FMN1: variants seen among roughly 807,000 people sequenced by gnomAD.
The protein encoded by FMN1 is formin-1.
In FMN1, 110 loss-of-function variants were observed where a neutral mutation model predicts 132.4. That is an observed-to-expected ratio of 0.83 (90% CI 0.71 to 0.97). The LOEUF is 0.97. FMN1 is among the 50% of genes least tolerant of loss of function. The probability of loss-of-function intolerance (pLI) is 0.00; values close to 1 mark genes in which losing one functional copy is unlikely to be tolerated. For synonymous variants in FMN1, 722 were observed against 651.7 expected, an observed-to-expected ratio of 1.11 and a Z score of -1.64; for missense variants, 1,792 against 1,705.3, an observed-to-expected ratio of 1.05 and a Z score of -0.90.
At chr15:33,065,385 TACAGACATAAATGTACTA>T in intron 5 of FMN1, among the ~76,000 whole-genome samples, 1 of 152,282 alleles carries the variant, frequency 6.6e-6, no homozygotes, top group South Asian at 2.1e-4. Context: ...GACCTGAAGG[TACAGACATAAATGTACTA>T]CACTGATGTG....
intron 4 of FMN1, among the ~76,000 whole-genome samples, chr15:33,103,138 A>T (rs972214584): frequency 1.3e-5 from 2 of 152,134 alleles, no homozygotes; most frequent in Non-Finnish European, 2.9e-5. Context: ...CATTACATGA[A>T]CAGTTTTATG....
At chr15:33,082,880 T>TA (rs551158839) in intron 5 of FMN1, among the ~76,000 whole-genome samples, 2 of 151,904 alleles carry the variant, frequency 1.3e-5, no homozygotes, top group Non-Finnish European at 2.9e-5. Flanking sequence ...AATTTTAGAT[T>TA]AAAAAAAACC....
intron 7 of FMN1, among the ~76,000 whole-genome samples, chr15:32,971,988 C>T (rs547029194): frequency 3.3e-5 from 5 of 152,238 alleles, no homozygotes; most frequent in African/African-American, 9.6e-5. Flanking sequence ...GTGTAGTGGG[C>T]AGAACACAAA....
At chr15:32,827,168 A>G (rs957226514) in intron 17 of FMN1, among the ~76,000 whole-genome samples, 1 of 152,200 alleles carries the variant, frequency 6.6e-6, no homozygotes, top group Non-Finnish European at 1.5e-5. Flanking sequence ...AGAAAGATGG[A>G]AAATTATGGT....
chr15:32,795,483 T>C (rs754531980), intron 19 of FMN1, among the ~76,000 whole-genome samples: 1 of 151,990 alleles, frequency 6.6e-6, no homozygotes, highest in African/African-American at 2.4e-5. Context: ...GAGCTCATAG[T>C]CACCATTTAA....
At chr15:32,938,209 C>T (rs2061323991) in intron 9 of FMN1, among the ~76,000 whole-genome samples, 1 of 151,808 alleles carries the variant, frequency 6.6e-6, no homozygotes, top group Admixed American at 6.6e-5. Flanking sequence ...TTAAGTATTC[C>T]CCTACTAAAG....
chr15:32,825,525 T>C (rs900369482), intron 17 of FMN1, among the ~76,000 whole-genome samples: 1 of 152,220 alleles, frequency 6.6e-6, no homozygotes, highest in Non-Finnish European at 1.5e-5. Context: ...CCTACTCTTT[T>C]AAAGTAGGTT....
At chr15:33,042,697 A>C (rs990358272) in intron 6 of FMN1, among the ~76,000 whole-genome samples, 1 of 152,184 alleles carries the variant, frequency 6.6e-6, no homozygotes, top group African/African-American at 2.4e-5. Flanking sequence ...GGAAAAACAA[A>C]ACTGATAATA....
chr15:33,009,337 T>A (rs57468008), intron 6 of FMN1, among the ~76,000 whole-genome samples: 2,446 of 152,268 alleles, frequency 0.016, 64 homozygotes, highest in African/African-American at 0.053. Context: ...GCAGACTGAG[T>A]GATCTACATA....
chr15:32,944,936 A>G (rs1368746963), intron 9 of FMN1, among the ~76,000 whole-genome samples: 1 of 152,168 alleles, frequency 6.6e-6, no homozygotes, highest in Admixed American at 6.5e-5. Flanking sequence ...CACTGCCTTC[A>G]GACAGAACCA....
intron 17 of FMN1, among the ~76,000 whole-genome samples, chr15:32,855,181 A>G (rs1311749978): frequency 6.7e-6 from 1 of 149,184 alleles, no homozygotes; most frequent in East Asian, 1.9e-4. Context: ...AAAAAAAAAA[A>G]AGAAAAAAGA....
intron 19 of FMN1, among the ~76,000 whole-genome samples, chr15:32,785,218 A>ATATATTTTTTT (rs1444523400): frequency 1.3e-4 from 5 of 39,208 alleles, no homozygotes; most frequent in African/African-American, 6.0e-4. Flanking sequence ...ATATATATAT[A>ATATATTTTTTT]TTTTTTTTTT....
chr15:33,172,118 C>G (rs796167486), intron 3 of FMN1, among the ~76,000 whole-genome samples: 31 of 151,364 alleles, frequency 2.0e-4, no homozygotes, highest in African/African-American at 5.3e-4. Flanking sequence ...TGAGGCAGGA[C>G]AATGGCGTGA....
At chr15:33,155,648 A>C (rs1372885694) in intron 3 of FMN1, among the ~76,000 whole-genome samples, 1 of 152,142 alleles carries the variant, frequency 6.6e-6, no homozygotes, top group Non-Finnish European at 1.5e-5. Flanking sequence ...GTCTTAATCA[A>C]GTTTTGCTGT....
intron 19 of FMN1, among the ~76,000 whole-genome samples, chr15:32,796,514 G>C (rs1370998658): frequency 1.3e-5 from 2 of 152,106 alleles, no homozygotes; most frequent in East Asian, 3.8e-4. Flanking sequence ...GTTTAGTGTT[G>C]TTGGGATATA....
intron 6 of FMN1, among the ~76,000 whole-genome samples, chr15:33,039,027 T>G (rs186320486): frequency 6.6e-6 from 1 of 152,304 alleles, no homozygotes; most frequent in East Asian, 1.9e-4. Flanking sequence ...CTCCCCAGAT[T>G]ATTTTTGTTT....
intron 4 of FMN1, among the ~76,000 whole-genome samples, chr15:33,123,680 C>G (rs1050667512): frequency 6.6e-6 from 1 of 152,116 alleles, no homozygotes; most frequent in Non-Finnish European, 1.5e-5. Flanking sequence ...TTAAGTTTTC[C>G]AAGACATGAA....
At chr15:33,042,683 T>C (rs1566858653) in intron 6 of FMN1, among the ~76,000 whole-genome samples, 3 of 152,106 alleles carry the variant, frequency 2.0e-5, no homozygotes, top group Admixed American at 2.0e-4. Flanking sequence ...TGGTGAACAA[T>C]TTGGGAAAAA....
chr15:33,071,512 A>G (rs2037999646), intron 5 of FMN1, among the ~76,000 whole-genome samples: 1 of 152,230 alleles, frequency 6.6e-6, no homozygotes, highest in Non-Finnish European at 1.5e-5. Context: ...CACCTCCATG[A>G]AATGTGTAGT....
Sources: allele counts gnomAD v4.1 joint callset (sites outside exome capture counted in the v4.1 genomes callset), GRCh38; gene constraint gnomAD v4.1.1; transcripts MANE v1.5; gene names NCBI Gene and HGNC (gene_info 2026-07-23, HGNC 2026-07-21).